Variants in CCDC85A observed in about 807,000 individuals in gnomAD.
CCDC85A encodes coiled-coil domain-containing protein 85A.
A neutral mutation model predicts 50.2 loss-of-function variants in CCDC85A; 38 were observed. That is an observed-to-expected ratio of 0.76 (90% confidence interval 0.58 to 0.99). The LOEUF is 0.99. Among genes scored for constraint, CCDC85A ranks in the 50% least tolerant of loss-of-function variants. The pLI, the probability that CCDC85A is intolerant of heterozygous loss-of-function variation, is 0.00. For missense variants in CCDC85A, 820 were observed against 742.0 expected (o/e 1.11, Z -1.22); for synonymous variants, 366 against 301.4 (o/e 1.21, Z -2.22).
At chr2:56,210,502 G>A (rs553869078) in intron 2 of CCDC85A, among the ~76,000 whole-genome samples, 1 of 152,128 alleles carries the variant, frequency 6.6e-6, no homozygotes, top group South Asian at 2.1e-4. Context: ...GGTGGCTCAG[G>A]AATTTGGACA....
In CCDC85A at chr2:56,345,934, G is replaced by A. The variant is rs1451283026; in HGVS notation, c.1317+2979G>A. The stretch of plus-strand genomic sequence containing the variant: ...TCAGTTATAAGAATTTGTTTGCTAT[G>A]CCTTGATCAGAAGGTATTCCTTTTC... On this transcript the variant is annotated intron_variant, in intron 3 of 5. Transcript: ENST00000407595. 2.0e-5 allele frequency among the ~76,000 whole-genome samples: 3 copies of A among 152,158 alleles called. No individual in the cohort carries two copies. In the East Asian group the frequency reaches 5.8e-4, roughly 29 times the overall value.
chr2:56,362,974 T>G (rs1675608339), intron 3 of CCDC85A, among the ~76,000 whole-genome samples: 1 of 152,124 alleles, frequency 6.6e-6, no homozygotes, highest in Non-Finnish European at 1.5e-5. Context: ...GGGACTTACT[T>G]CAATGGACTG....
intron 3 of CCDC85A, among the ~76,000 whole-genome samples, chr2:56,343,212 G>T (rs1045599352): frequency 4.6e-5 from 7 of 152,086 alleles, no homozygotes; most frequent in African/African-American, 1.7e-4. Flanking sequence ...AAAGGAGAAG[G>T]ATAAAATAAT....
chr2:56,212,001 C>T (rs866529189), intron 2 of CCDC85A, among the ~76,000 whole-genome samples: 1 of 152,028 alleles, frequency 6.6e-6, no homozygotes, highest in Non-Finnish European at 1.5e-5. Flanking sequence ...GTACATTACA[C>T]AGGAGGGCCT....
intron 1 of CCDC85A, among the ~76,000 whole-genome samples, chr2:56,185,354 G>A (rs1028755091): frequency 6.6e-6 from 1 of 152,170 alleles, no homozygotes; most frequent in African/African-American, 2.4e-5. Flanking sequence ...AGGAAAGGGC[G>A]CCACTGCCAG....
intron 2 of CCDC85A, among the ~76,000 whole-genome samples, chr2:56,306,519 T>C (rs1183324969): frequency 1.3e-5 from 2 of 152,198 alleles, no homozygotes; most frequent in African/African-American, 4.8e-5. Context: ...TAACTACTTA[T>C]ACAACCTTAC....
At chr2:56,352,191 C>T (rs1024033302) in intron 3 of CCDC85A, among the ~76,000 whole-genome samples, 3 of 152,014 alleles carry the variant, frequency 2.0e-5, no homozygotes, top group Non-Finnish European at 2.9e-5. Flanking sequence ...CCTTCTGTAT[C>T]CTTTACATAT....
At chr2:56,216,468 T>C (rs1677397520) in intron 2 of CCDC85A, among the ~76,000 whole-genome samples, 1 of 151,868 alleles carries the variant, frequency 6.6e-6, no homozygotes, top group Non-Finnish European at 1.5e-5. Flanking sequence ...TTTTAATTTG[T>C]TCCTTCCTGA....
rs1336192523 is a variant in CCDC85A at position 56,329,943 on chromosome 2, C to CTTTTTTTTTTTTTTTTTTTTTTTTTTT, written c.1241-12935_1241-12934insTTTTTTTTTTTTTTTTTTTTTTTTTTT. 2.2e-4 allele frequency among the ~76,000 whole-genome samples: 5 copies of CTTTTTTTTTTTTTTTTTTTTTTTTTTT among 22,870 alleles called. No homozygotes were observed. In the East Asian group the frequency reaches 4.0e-3, roughly 18 times the overall value. 15.0% of individuals were successfully genotyped at this position (22,870 alleles called of 152,430 possible). On this transcript the variant is annotated intron_variant, in intron 2 of 5. Transcript: ENST00000407595. The stretch of plus-strand genomic sequence containing the variant: ...TGAAAATTTGTTTTTTACAGATTTC[C>CTTTTTTTTTTTTTTTTTTTTTTTTTTT]TGTTTTTTTTTTTTTTTTTTTTTTT...
chr2:56,274,597 A>G (rs555825893), intron 2 of CCDC85A, among the ~76,000 whole-genome samples: 9 of 152,216 alleles, frequency 5.9e-5, no homozygotes, highest in Admixed American at 3.9e-4. Context: ...CTTAAAATCT[A>G]TGGATTGTCA....
chr2:56,258,861 A>T (rs905306574), intron 2 of CCDC85A, among the ~76,000 whole-genome samples: 1 of 152,188 alleles, frequency 6.6e-6, no homozygotes, highest in Non-Finnish European at 1.5e-5. Flanking sequence ...TTCCAGTTGG[A>T]TTTCTTCAAT....
intron 2 of CCDC85A, among the ~76,000 whole-genome samples, chr2:56,277,123 A>G (rs10207696): frequency 0.034 from 5,118 of 152,260 alleles, 267 homozygotes; most frequent in African/African-American, 0.11. Flanking sequence ...TTCTTTCACA[A>G]TAGCTCAGCA....
At chr2:56,337,313 G>C (rs151226535) in intron 2 of CCDC85A, among the ~76,000 whole-genome samples, 1 of 152,128 alleles carries the variant, frequency 6.6e-6, no homozygotes, top group African/African-American at 2.4e-5. Context: ...CATCAATATC[G>C]TTTGCTTCAC....
At position 56,372,374 on chromosome 2, in the gene CCDC85A, A is replaced by G. The variant is rs754495286; in HGVS notation, c.1348A>G (p.Arg450Gly). The change falls in exon 4 of 6, where the codon AGA becomes GGA. Residue 450 changes from arginine (R) to glycine (G), a missense_variant. Transcript: ENST00000407595. ...CCAGAATAGAAGGCAACCTCCAACT[A>G]GAAACAGCTCAAATATGGAGAAAGG... is the stretch of plus-strand genomic sequence containing the variant. ...ASQNRRQPPT[R>G]NSSNMEKGWG... is the part of the protein sequence containing the mutation. The G allele has an allele frequency of 6.3e-7, 1 of 1,592,086 alleles. No individual in the cohort carries two copies. The highest frequency in any genetic ancestry group is 1.1e-5 in the South Asian group (1 of 87,530).
rs576398008 is a variant in CCDC85A, at chr2:56,290,398, C to CT, written c.1241-52474dup. Reference sequence around the variant, plus strand: ...CTGTGGGGGTGGGAAAGAGAACAGGCTTTTTTTGCCATTTCCTGTGTTTAC... The same window carrying CT: ...CTGTGGGGGTGGGAAAGAGAACAGGCTTTTTTTTGCCATTTCCTGTGTTTAC... On this transcript the variant is annotated intron_variant, in intron 2 of 5. Transcript: ENST00000407595. Among the ~76,000 whole-genome samples the CT allele has an allele frequency of 4.5e-4, 69 of 151,990 alleles. No homozygotes were observed. The East Asian group carries it at 7.0e-3, about 15-fold the overall frequency.
chr2:56,220,836 C>G (rs1668293448), intron 2 of CCDC85A, among the ~76,000 whole-genome samples: 1 of 151,884 alleles, frequency 6.6e-6, no homozygotes, highest in Admixed American at 6.6e-5. Flanking sequence ...TCCTCATTAC[C>G]AAGAATAGCA....
At chr2:56,330,919 A>G (rs897899132) in intron 2 of CCDC85A, among the ~76,000 whole-genome samples, 1 of 152,176 alleles carries the variant, frequency 6.6e-6, no homozygotes, top group African/African-American at 2.4e-5. Flanking sequence ...AGGTACCTGC[A>G]CTTGTATATT....
In CCDC85A at chr2:56,184,763, T is replaced by C; in HGVS notation, c.139T>C (p.Trp47Arg). 1 of 1,545,446 alleles carries C rather than the reference T, an allele frequency of 6.5e-7. No individual in the cohort carries two copies. ...SKVSDEELLQ[W>R]SKEELIRSLR... ...AGTGTCGGACGAGGAGCTGCTGCAG[T>C]GGAGCAAGGAGGAGCTGATCCGCAG... Residue 47 changes from tryptophan to arginine, a missense_variant, in exon 1 of 6, where the codon TGG becomes CGG. Transcript: ENST00000407595.
intron 5 of CCDC85A, among the ~76,000 whole-genome samples, chr2:56,381,029 G>A (rs1161324818): frequency 6.6e-6 from 1 of 152,038 alleles, no homozygotes; most frequent in Non-Finnish European, 1.5e-5. Flanking sequence ...AGGTGTTTCT[G>A]GAATCCAGTA....
Sources: allele counts gnomAD v4.1 joint callset (sites outside exome capture counted in the v4.1 genomes callset), GRCh38; gene constraint gnomAD v4.1.1; transcripts MANE v1.5; gene names NCBI Gene and HGNC (gene_info 2026-07-23, HGNC 2026-07-21).